BCAP29: variants seen among roughly 807,000 people sequenced by gnomAD.
BCAP29 encodes B-cell receptor-associated protein 29.
In BCAP29, 34 loss-of-function variants were observed where a neutral mutation model predicts 31.8. The observed-to-expected ratio is 1.07, with a 90% CI of 0.81 to 1.42. BCAP29 has a LOEUF of 1.42. Ranked by LOEUF, BCAP29 falls within the 40% of genes most tolerant of loss-of-function variation. The pLI, the probability that BCAP29 is intolerant of heterozygous loss-of-function variation, is 0.00. For synonymous variants in BCAP29, 104 were observed against 91.3 expected, an observed-to-expected ratio of 1.14 and a Z score of -0.79; for missense variants, 314 against 269.2, an observed-to-expected ratio of 1.17 and a Z score of -1.16.
intron 6 of BCAP29, among the ~76,000 whole-genome samples, chr7:107,605,665 TGAG>T (rs1365831358): frequency 2.0e-5 from 3 of 152,358 alleles, no homozygotes; most frequent in Admixed American, 6.5e-5. Flanking sequence ...GCTGTATGGT[TGAG>T]GGGTCCATTG....
At chr7:107,599,255 AATTTT>A (rs1252673179) in intron 5 of BCAP29, among the ~76,000 whole-genome samples, 1 of 123,624 alleles carries the variant, frequency 8.1e-6, no homozygotes. Context: ...AAATATATAT[AATTTT>A]TATATATATA....
At chr7:107,603,678 T>C (rs1264899765) in intron 6 of BCAP29, among the ~76,000 whole-genome samples, 2 of 150,712 alleles carry the variant, frequency 1.3e-5, no homozygotes, top group African/African-American at 4.9e-5. Flanking sequence ...CAGTCTTGGC[T>C]TACTGCAACC....
intron 6 of BCAP29, among the ~76,000 whole-genome samples, chr7:107,601,860 G>A (rs1430038155): frequency 6.6e-6 from 1 of 151,882 alleles, no homozygotes; most frequent in Non-Finnish European, 1.5e-5. Flanking sequence ...GTTGTAAGCA[G>A]GGTGGCACAA....
rs1254479021 is a variant in BCAP29, at chr7:107,618,568, A to G, written c.*205A>G. The G allele has an allele frequency of 6.3e-7, 1 of 1,596,322 alleles. No homozygotes were observed. Among genetic ancestry groups the G allele is most frequent in the African/African-American group, 1.3e-5 (1 of 74,412 alleles). On this transcript the variant is annotated 3_prime_UTR_variant, in exon 8 of 8. Transcript: ENST00000005259. ...AAAGTCTGTATTCCAGCTCTTAAGAAAAATATAAGCATGTTAAATACCATA... is the reference window on the plus strand; with the variant it reads ...AAAGTCTGTATTCCAGCTCTTAAGAGAAATATAAGCATGTTAAATACCATA...
At chr7:107,591,943 C>CTTAT (rs147357471) in intron 3 of BCAP29, among the ~76,000 whole-genome samples, 4,081 of 151,634 alleles carry the variant, frequency 0.027, 189 homozygotes, top group African/African-American at 0.094. Flanking sequence ...TTTCTTTGTG[C>CTTAT]TTATTTTTTT....
At chr7:107,613,791 A>G in intron 7 of BCAP29, 1 of 1,296,376 alleles carries the variant, frequency 7.7e-7, no homozygotes, top group South Asian at 1.2e-5. Flanking sequence ...CCAAAATTTC[A>G]AGTTCCACAT....
chr7:107,598,982 A>AT (rs1338394451), intron 5 of BCAP29, among the ~76,000 whole-genome samples: 2 of 109,568 alleles, frequency 1.8e-5, no homozygotes, highest in Non-Finnish European at 3.6e-5. Flanking sequence ...TATATCTATA[A>AT]ATTTATATAT....
At chr7:107,606,707 C>G (rs1420261470) in intron 6 of BCAP29, among the ~76,000 whole-genome samples, 1 of 152,130 alleles carries the variant, frequency 6.6e-6, no homozygotes, top group Admixed American at 6.5e-5. Context: ...TTGTTTAGAA[C>G]ATTTATTAGA....
intron 6 of BCAP29, among the ~76,000 whole-genome samples, chr7:107,607,188 G>A (rs764808286): frequency 1.3e-5 from 2 of 152,134 alleles, no homozygotes; most frequent in Non-Finnish European, 2.9e-5. Context: ...GTAGTGGCAC[G>A]TGCCTGTAAT....
At chr7:107,598,693 C>G (rs1349576225) in intron 5 of BCAP29, among the ~76,000 whole-genome samples, 1 of 94,378 alleles carries the variant, frequency 1.1e-5, no homozygotes, top group South Asian at 4.4e-4. Flanking sequence ...ATGAATCACC[C>G]TGCAGTGAAA....
upstream of BCAP29, chr7:107,580,154 T>G (rs1043984419): frequency 1.3e-5 from 2 of 152,116 alleles, no homozygotes; most frequent in Admixed American, 1.3e-4. Flanking sequence ...GCCTGTGACC[T>G]CAGCCGGGAC....
At chr7:107,621,544 A>G, downstream of BCAP29, 1 of 370,018 alleles carries the variant, frequency 2.7e-6, no homozygotes, top group Admixed American at 3.7e-5. Flanking sequence ...AGCAAAAGAT[A>G]TGATTAAGTT....
Position 107,594,028 on chromosome 7 carries a change from C to T in BCAP29, c.267C>T (p.Ala89=), listed in dbSNP as rs2129233844. The T allele has an allele frequency of 1.9e-5, 31 of 1,613,606 alleles. No homozygotes were observed. The highest frequency in any genetic ancestry group is 2.4e-5 in the Non-Finnish European group (28 of 1,179,542). The change falls in exon 4 of 8, where the codon GCC becomes GCT. Residue 89 remains alanine (A), a synonymous_variant. Transcript: ENST00000005259. ...AGAGCTCCACCAGCAGACCTGATGC[C>T]TATGAACACACACAGATGAAACTTT... ...IEKSSTSRPD[A]YEHTQMKLFR... is the part of the protein sequence containing the mutation.
At chr7:107,595,730 A>G in intron 4 of BCAP29, 137 bp from the exon 5 acceptor site, 1 of 879,512 alleles carries the variant, frequency 1.1e-6, no homozygotes, top group Non-Finnish European at 1.6e-6. Flanking sequence ...GAATTAAAAA[A>G]AGAATAATGG....
At chr7:107,600,859 G>A (rs913555342) in intron 6 of BCAP29, among the ~76,000 whole-genome samples, 2 of 152,182 alleles carry the variant, frequency 1.3e-5, no homozygotes, top group African/African-American at 4.8e-5. Flanking sequence ...AGCAATTGTA[G>A]GGGAACAGTT....
chr7:107,593,884 A>T (rs1403631191), intron 3 of BCAP29, 71 bp from the exon 4 acceptor site: 11 of 1,464,248 alleles, frequency 7.5e-6, no homozygotes, highest in Non-Finnish European at 1.0e-5. Flanking sequence ...TTTTTCTAAA[A>T]CTGCTTTCCA....
At chr7:107,607,635 C>CTTTT (rs57817003) in intron 6 of BCAP29, among the ~76,000 whole-genome samples, 1 of 132,638 alleles carries the variant, frequency 7.5e-6, no homozygotes, top group African/African-American at 2.8e-5. Flanking sequence ...CTTTCTTTTT[C>CTTTT]TTTTTTTTTT....
intron 6 of BCAP29, among the ~76,000 whole-genome samples, chr7:107,610,219 C>A (rs928392318): frequency 1.3e-5 from 2 of 152,154 alleles, no homozygotes; most frequent in Non-Finnish European, 2.9e-5. Flanking sequence ...TAACCTAGGA[C>A]ATAACAGTCT....
intron 3 of BCAP29, among the ~76,000 whole-genome samples, chr7:107,589,501 T>A (rs1389411748): frequency 6.6e-6 from 1 of 152,186 alleles, no homozygotes; most frequent in East Asian, 1.9e-4. Context: ...TATGAGAATC[T>A]AATGCCACCA....
Sources: allele counts gnomAD v4.1 joint callset (sites outside exome capture counted in the v4.1 genomes callset), GRCh38; gene constraint gnomAD v4.1.1; transcripts MANE v1.5; gene names NCBI Gene and HGNC (gene_info 2026-07-23, HGNC 2026-07-21).